PAX3: variants seen among roughly 807,000 people sequenced by gnomAD.
The protein encoded by PAX3 is paired box 3, also known as paired box protein Pax-3.
In PAX3, 14 loss-of-function variants were observed where a neutral mutation model predicts 51.6. The ratio of observed to expected loss-of-function variants is 0.27; its 90% CI spans 0.18 to 0.42. The LOEUF is 0.42. PAX3 is among the 10% of genes least tolerant of loss of function. The probability of loss-of-function intolerance (pLI) is 1.00; values close to 1 mark genes in which losing one functional copy is unlikely to be tolerated. For missense variants in PAX3, 540 were observed against 642.8 expected (o/e 0.84, Z 1.73); for synonymous variants, 280 against 253.4 (o/e 1.11, Z -1.00).
rs140086452 is a variant in PAX3, at chr2:222,234,783, A to C, written c.587-2500T>G. Among the ~76,000 whole-genome samples the C allele has an allele frequency of 3.0e-3, 454 of 152,372 alleles. 5 individuals carry two copies. The highest frequency in any genetic ancestry group is 0.017 in the Middle Eastern group (5 of 292). Reference sequence around the variant, plus strand: ...AATACATCTGCCACAATTAACTGAAAGTCACTCCCACATGTATATTTTTAA... The same window carrying C: ...AATACATCTGCCACAATTAACTGAACGTCACTCCCACATGTATATTTTTAA... On this transcript the variant is annotated intron_variant, in intron 4 of 8. Transcript: ENST00000392070.
At chr2:222,224,495 C>T (rs1312139430) in intron 5 of PAX3, among the ~76,000 whole-genome samples, 1 of 152,178 alleles carries the variant, frequency 6.6e-6, no homozygotes, top group Non-Finnish European at 1.5e-5. Flanking sequence ...AGGAAAAACA[C>T]ACTAACTTTG....
intron 4 of PAX3, among the ~76,000 whole-genome samples, chr2:222,275,895 G>C (rs1694402930): frequency 6.6e-6 from 1 of 152,210 alleles, no homozygotes; most frequent in South Asian, 2.1e-4. Flanking sequence ...ATATGTGTGT[G>C]TTTTAGTTAA....
At chr2:222,239,993 T>G (rs550352277) in intron 4 of PAX3, among the ~76,000 whole-genome samples, 1 of 152,100 alleles carries the variant, frequency 6.6e-6, no homozygotes, top group Non-Finnish European at 1.5e-5. Context: ...TTCCCCTCCC[T>G]TCTGACCCAA....
chr2:222,221,563 T>C (rs1692193339), intron 5 of PAX3, 176 bp from the exon 6 acceptor site: 1 of 642,688 alleles, frequency 1.6e-6, no homozygotes. Context: ...AAGAGTTTAG[T>C]GTCAAAGGTC....
At chr2:222,237,452 C>A (rs1015068083) in intron 4 of PAX3, among the ~76,000 whole-genome samples, 2 of 151,966 alleles carry the variant, frequency 1.3e-5, no homozygotes, top group African/African-American at 4.8e-5. Context: ...CCATTTATCC[C>A]AAATTTTGAA....
chr2:222,231,026 T>C (rs1692574864), intron 5 of PAX3, among the ~76,000 whole-genome samples: 1 of 152,214 alleles, frequency 6.6e-6, no homozygotes, highest in Non-Finnish European at 1.5e-5. Flanking sequence ...GATCTTAGCA[T>C]TCCTTGACTT....
chr2:222,231,987 T>TG (rs1692613429), intron 5 of PAX3, 91 bp downstream of exon 5: 7 of 1,137,996 alleles, frequency 6.2e-6, no homozygotes, highest in South Asian at 2.5e-5. Context: ...AATACATTTT[T>TG]GGGGGGGATT....
chr2:222,214,472 G>A (rs763504246), intron 7 of PAX3: 1 of 152,156 alleles, frequency 6.6e-6, no homozygotes. Context: ...TTTGTAAAAT[G>A]TGAATAAGAA....
intron 4 of PAX3, among the ~76,000 whole-genome samples, chr2:222,261,834 G>A (rs1014543290): frequency 6.6e-6 from 1 of 152,166 alleles, no homozygotes; most frequent in East Asian, 1.9e-4. Flanking sequence ...ATGAATGTAC[G>A]TTAAATGTTT....
intron 4 of PAX3, among the ~76,000 whole-genome samples, chr2:222,257,849 G>A (rs760207906): frequency 8.5e-5 from 13 of 152,278 alleles, no homozygotes; most frequent in South Asian, 4.1e-4. Context: ...TCACCCCCAC[G>A]CTGCTGACTG....
At chr2:222,287,836 T>C (rs13403165) in intron 4 of PAX3, among the ~76,000 whole-genome samples, 20,671 of 152,202 alleles carry the variant, frequency 0.14, 1,701 homozygotes, top group Non-Finnish European at 0.18. Flanking sequence ...TCAAGATTCA[T>C]CTTGCTCAAG....
intron 5 of PAX3, 141 bp from the exon 6 acceptor site, chr2:222,221,528 T>C (rs1003275073): frequency 2.5e-6 from 2 of 792,526 alleles, no homozygotes; most frequent in African/African-American, 3.4e-5. Flanking sequence ...TCTGTGTTGT[T>C]TGGGCGAATT....
Position 222,200,080 on chromosome 2 carries a change from G to A in PAX3, c.*1328C>T, listed in dbSNP as rs891938915. The stretch of plus-strand genomic sequence containing the variant: ...ATGTCTAGTCTCACTAACTCGCTAC[G>A]TCATAGTTCTTAACTCTAAAAGGAA... On this transcript the variant is annotated 3_prime_UTR_variant, in exon 9 of 9. Transcript: ENST00000392070. 4.3e-5 allele frequency: 9 copies of A among 209,536 alleles called. No individual in the cohort carries two copies. Among genetic ancestry groups the A allele is most frequent in the South Asian group, 1.9e-4 (1 of 5,348 alleles). The allele number at this position is 209,536 out of a possible 1,614,324, so 13.0% of individuals were successfully genotyped here.
intron 4 of PAX3, among the ~76,000 whole-genome samples, chr2:222,281,973 C>A (rs541128977): frequency 9.2e-5 from 14 of 152,330 alleles, no homozygotes; most frequent in Admixed American, 8.5e-4. Flanking sequence ...TCCTGCCTTA[C>A]TGGCACACTA....
chr2:222,233,672 T>C (rs1420813566), intron 4 of PAX3, among the ~76,000 whole-genome samples: 1 of 152,036 alleles, frequency 6.6e-6, no homozygotes, highest in Non-Finnish European at 1.5e-5. Flanking sequence ...ACTGGGGTAG[T>C]GGGCAAAGAT....
intron 4 of PAX3, among the ~76,000 whole-genome samples, chr2:222,289,569 G>T (rs1319207425): frequency 1.3e-5 from 2 of 152,060 alleles, no homozygotes; most frequent in Admixed American, 1.3e-4. Context: ...TCCTGGTTCC[G>T]GTGCTATCAA....
intron 5 of PAX3, among the ~76,000 whole-genome samples, chr2:222,225,736 T>C (rs1017309843): frequency 6.6e-6 from 1 of 152,178 alleles, no homozygotes; most frequent in African/African-American, 2.4e-5. Context: ...TGCAATGCAA[T>C]CTAAGCTTCT....
At chr2:222,252,082 A>G (rs1301615010) in intron 4 of PAX3, among the ~76,000 whole-genome samples, 1 of 152,220 alleles carries the variant, frequency 6.6e-6, no homozygotes, top group East Asian at 1.9e-4. Flanking sequence ...AATGGTTGAA[A>G]AAAGAAGAGT....
intron 4 of PAX3, among the ~76,000 whole-genome samples, chr2:222,282,906 T>A (rs921321645): frequency 6.6e-6 from 1 of 152,256 alleles, no homozygotes; most frequent in East Asian, 1.9e-4. Context: ...TTGAAACCTA[T>A]GTTCCTACTC....
Sources: gnomAD v4.1 joint callset for allele counts (sites outside exome capture counted in the v4.1 genomes callset) on GRCh38, gnomAD v4.1.1 for gene constraint, MANE v1.5 for transcripts, NCBI Gene and HGNC (gene_info 2026-07-23, HGNC 2026-07-21) for gene names.